RGS6: variants seen among roughly 807,000 people sequenced by gnomAD.
RGS6 encodes regulator of G-protein signaling 6.
Under a neutral mutation model 78.5 loss-of-function variants are expected in RGS6, and 30 were observed. The observed-to-expected ratio is 0.38, with a 90% CI of 0.29 to 0.52. The LOEUF (loss-of-function observed/expected upper bound fraction) is 0.52, where lower values mean the gene tolerates loss of function less well. Ranked by LOEUF, RGS6 falls within the 20% of genes least tolerant of loss-of-function variation. The pLI is 0.85. For synonymous variants in RGS6, 206 were observed against 206.0 expected, an observed-to-expected ratio of 1.00 and a Z score of 0.00; for missense variants, 495 against 609.7, an observed-to-expected ratio of 0.81 and a Z score of 1.98.
intron 3 of RGS6, among the ~76,000 whole-genome samples, chr14:72,384,328 T>C (rs932779776): frequency 5.2e-5 from 8 of 152,392 alleles, no homozygotes; most frequent in African/African-American, 1.9e-4. Flanking sequence ...AGACACACTC[T>C]TTTTGTTTGG....
At chr14:71,973,742 T>C (rs1030068135) in intron 2 of RGS6, among the ~76,000 whole-genome samples, 25 of 152,230 alleles carry the variant, frequency 1.6e-4, no homozygotes, top group Admixed American at 1.6e-3. Flanking sequence ...GTCTACATTT[T>C]AAGATTCCTT....
At chr14:71,867,943 A>G in the RGS6 span, among the ~76,000 whole-genome samples, 1 of 152,140 alleles carries the variant, frequency 6.6e-6, no homozygotes, top group South Asian at 2.1e-4. Flanking sequence ...AAGGGACTCC[A>G]CATACCTCAG....
chr14:72,282,867 A>C (rs1371539978), intron 2 of RGS6, among the ~76,000 whole-genome samples: 1 of 152,190 alleles, frequency 6.6e-6, no homozygotes, highest in Non-Finnish European at 1.5e-5. Context: ...TGTACAACAG[A>C]TCTGTAGAAC....
chr14:72,240,456 G>A (rs992633327), intron 2 of RGS6, among the ~76,000 whole-genome samples: 16 of 152,326 alleles, frequency 1.1e-4, no homozygotes, highest in South Asian at 4.1e-4. Context: ...AAGCTGAGCT[G>A]CAGTGTAAAG....
chr14:72,125,475 C>G (rs2096166213), intron 2 of RGS6, among the ~76,000 whole-genome samples: 1 of 151,812 alleles, frequency 6.6e-6, no homozygotes, highest in Non-Finnish European at 1.5e-5. Context: ...TTATTCCCAT[C>G]AGATAGCAAG....
intron 1 of RGS6, among the ~76,000 whole-genome samples, chr14:71,937,040 C>T (rs2089561490): frequency 6.6e-6 from 1 of 152,176 alleles, no homozygotes; most frequent in African/African-American, 2.4e-5. Context: ...AATCACAGGG[C>T]ATGGTAATAC....
At chr14:71,918,872 A>G in the RGS6 span, among the ~76,000 whole-genome samples, 2 of 152,240 alleles carry the variant, frequency 1.3e-5, no homozygotes, top group Non-Finnish European at 2.9e-5. Flanking sequence ...TAAGATATAC[A>G]TTAAAAAGAA....
At chr14:72,242,257 G>A in intron 2 of RGS6, among the ~76,000 whole-genome samples, 1 of 152,152 alleles carries the variant, frequency 6.6e-6, no homozygotes, top group East Asian at 1.9e-4. Flanking sequence ...AGGCATGAAG[G>A]TGCTCTTGGG....
chr14:71,902,336 A>G, the RGS6 span, among the ~76,000 whole-genome samples: 6 of 152,344 alleles, frequency 3.9e-5, no homozygotes, highest in South Asian at 1.2e-3. Context: ...CACTATTTCC[A>G]TAGTCACTTG....
At chr14:72,298,449 TTTTTTTC>T (rs2065312200) in intron 2 of RGS6, among the ~76,000 whole-genome samples, 2 of 86,908 alleles carry the variant, frequency 2.3e-5, no homozygotes, top group African/African-American at 1.2e-4. Flanking sequence ...TTTTTTTTTT[TTTTTTTC>T]CCCCCCTCTG....
chr14:72,017,434 G>A (rs1390162643), intron 2 of RGS6, among the ~76,000 whole-genome samples: 2 of 151,898 alleles, frequency 1.3e-5, no homozygotes, highest in Non-Finnish European at 2.9e-5. Context: ...TTCTTGTCTT[G>A]ATGTACTGAC....
chr14:72,421,144 C>A (rs1406998623), intron 3 of RGS6: 1 of 150,516 alleles, frequency 6.6e-6, no homozygotes, highest in Non-Finnish European at 1.5e-5. Flanking sequence ...GATCTCTTTT[C>A]CCCTGTGAAG....
intron 2 of RGS6, among the ~76,000 whole-genome samples, chr14:72,223,772 G>T (rs187849088): frequency 1.3e-5 from 2 of 152,272 alleles, no homozygotes; most frequent in Admixed American, 1.3e-4. Context: ...GGTTCCATTC[G>T]GTCATTGTTA....
the RGS6 span, among the ~76,000 whole-genome samples, chr14:71,909,481 C>G: frequency 1.4e-5 from 2 of 147,192 alleles, no homozygotes; most frequent in African/African-American, 2.5e-5. Context: ...TACACCTGCA[C>G]AGAGAGAGAG....
chr14:71,941,126 G>A lies in RGS6; in HGVS notation c.-21+8185G>A, dbSNP rs192034544. 3.5e-3 allele frequency among the ~76,000 whole-genome samples: 533 copies of A among 152,244 alleles called. 1 individual carries two copies. The highest frequency in any genetic ancestry group is 0.012 in the African/African-American group (506 of 41,522). On this transcript the variant is annotated intron_variant, in intron 1 of 17. Transcript: ENST00000553525. ...ATCATTTTCTTTCATCACTTTGTCC[G>A]TTGAACTTAAGAGCAGCCAACCTGC...
At chr14:72,349,703 T>C (rs1374465854) in intron 2 of RGS6, among the ~76,000 whole-genome samples, 2 of 152,234 alleles carry the variant, frequency 1.3e-5, no homozygotes, top group Non-Finnish European at 1.5e-5. Flanking sequence ...CTTTAGTAAA[T>C]GAGCCTTCTA....
rs1200791259 is a variant in RGS6, at chr14:72,152,221, TGAGAGA to T, written c.84+187366_84+187371del. Among the ~76,000 whole-genome samples, 356 of 146,744 alleles carry T rather than the reference TGAGAGA, an allele frequency of 2.4e-3. 1 individual carries two copies. The highest frequency in any genetic ancestry group is 6.9e-3 in the Middle Eastern group (2 of 290). ...TTCAGATATTTCAAGGGCAGCTGCA[TGAGAGA>T]GAGAGAGAGAGAGAGAGAGTGTGTG... On this transcript the variant is annotated intron_variant, in intron 2 of 17. Transcript: ENST00000553525.
intron 2 of RGS6, among the ~76,000 whole-genome samples, chr14:72,288,476 C>G (rs1432616555): frequency 6.6e-6 from 1 of 152,204 alleles, no homozygotes; most frequent in East Asian, 1.9e-4. Context: ...GGGAAGAAGG[C>G]TGCATTGGTT....
Position 71,964,782 on chromosome 14 carries a change from GAC to G in RGS6, c.-7_-6del. 6.2e-7 allele frequency: 1 copy of G among 1,605,964 alleles called. No homozygotes were observed. The highest frequency in any genetic ancestry group is 8.5e-7 in the Non-Finnish European group (1 of 1,174,816). On this transcript the variant is annotated 5_prime_UTR_variant, in exon 2 of 18. Transcript: ENST00000553525. ...CATTTATTTTTGCAGTGTGAGTGAA[GAC>G]ACTCAGGATGGCTCAAGGATCCGGG...
Sources: gnomAD v4.1 joint callset for allele counts (sites outside exome capture counted in the v4.1 genomes callset) on GRCh38, gnomAD v4.1.1 for gene constraint, MANE v1.5 for transcripts, NCBI Gene and HGNC (gene_info 2026-07-23, HGNC 2026-07-21) for gene names.